WDR43: variants seen among roughly 807,000 people sequenced by gnomAD.
WDR43 encodes the protein WD repeat-containing protein 43.
A neutral mutation model predicts 91.4 loss-of-function variants in WDR43; 13 were observed. The ratio of observed to expected loss-of-function variants is 0.14; its 90% CI spans 0.09 to 0.23. The LOEUF (loss-of-function observed/expected upper bound fraction) is 0.23, where lower values mean the gene tolerates loss of function less well. WDR43 is among the 10% of genes least tolerant of loss of function. The probability of loss-of-function intolerance (pLI) is 1.00; values close to 1 mark genes in which losing one functional copy is unlikely to be tolerated. For synonymous variants in WDR43, 331 were observed against 287.9 expected (o/e 1.15, Z -1.51); for missense variants, 780 against 809.4 (o/e 0.96, Z 0.44).
intron 13 of WDR43, among the ~76,000 whole-genome samples, chr2:28,937,231 A>G (rs1387427271): frequency 1.3e-5 from 2 of 152,182 alleles, no homozygotes; most frequent in Non-Finnish European, 2.9e-5. Context: ...TGCTGCTTAT[A>G]GTACCTGCCG....
intron 3 of WDR43, 39 bp from the exon 4 acceptor site, chr2:28,912,551 T>C: frequency 6.3e-7 from 1 of 1,593,820 alleles, no homozygotes; most frequent in Non-Finnish European, 8.5e-7. Context: ...AAGTTTTCTC[T>C]CATGTATTGA....
At chr2:28,911,275 C>G (rs1316353033) in intron 3 of WDR43, among the ~76,000 whole-genome samples, 1 of 151,080 alleles carries the variant, frequency 6.6e-6, no homozygotes, top group South Asian at 2.1e-4. Flanking sequence ...CAGAACCATA[C>G]GTTTTCTTCC....
rs1031879123 is a variant in WDR43, at chr2:28,894,854, C to T, written c.156C>T (p.Tyr52=). 8.7e-6 allele frequency: 14 copies of T among 1,610,492 alleles called. No homozygotes were observed. Among genetic ancestry groups the T allele is most frequent in the Non-Finnish European group, 1.1e-5 (13 of 1,178,666 alleles). Residue 52 remains tyrosine (Y), a synonymous_variant, in exon 1 of 18, where the codon TAC becomes TAT. Coordinates refer to ENST00000407426, the MANE Select transcript of WDR43 (RefSeq NM_015131.3). ...ETANNRLHQE[Y]VPSAHLSGTC... ...CCAACAACCGGCTGCACCAGGAGTA[C>T]GTGCCTTCCGCGCACCTCAGTGGTA...
At chr2:28,939,871 G>T (rs562610659) in intron 14 of WDR43, among the ~76,000 whole-genome samples, 4 of 152,142 alleles carry the variant, frequency 2.6e-5, no homozygotes, top group Non-Finnish European at 5.9e-5. Flanking sequence ...ACTTTGGGAG[G>T]CTGAGGCGGG....
intron 15 of WDR43, 79 bp downstream of exon 15, chr2:28,941,653 CAG>C (rs1671439270): frequency 3.6e-6 from 4 of 1,113,580 alleles, no homozygotes; most frequent in Admixed American, 2.0e-5. Context: ...CATTTTGAGA[CAG>C]GGTCTTGCTC....
At chr2:28,919,260 A>G (rs1670975763) in intron 6 of WDR43, among the ~76,000 whole-genome samples, 1 of 152,128 alleles carries the variant, frequency 6.6e-6, no homozygotes, top group Admixed American at 6.5e-5. Context: ...CGTCTCAGTA[A>G]ATAAGTAAAT....
chr2:28,938,160 G>A (rs1450533992), intron 14 of WDR43, among the ~76,000 whole-genome samples, 166 bp downstream of exon 14: 2 of 152,136 alleles, frequency 1.3e-5, no homozygotes, highest in Admixed American at 1.3e-4. Flanking sequence ...AATGACATGA[G>A]CCCTTTCATG....
At position 28,929,561 on chromosome 2, in the gene WDR43, A is replaced by G. The variant is rs767015360; in HGVS notation, c.1306-18A>G. ...AGTCTTGTCTGGTAACACATTAACA[A>G]TCCTTTCTGTTCTGTAGGTTAGCAT... On this transcript the variant is annotated intron_variant, in intron 10 of 17. Coordinates refer to ENST00000407426, the MANE Select transcript of WDR43 (RefSeq NM_015131.3). 3 of 1,570,284 alleles carry G rather than the reference A, an allele frequency of 1.9e-6. No homozygotes were observed. Among genetic ancestry groups the G allele is most frequent in the African/African-American group, 1.4e-5 (1 of 73,362 alleles).
Position 28,902,061 on chromosome 2 carries a change from C to T in WDR43, c.300C>T (p.Gly100=), listed in dbSNP as rs1325194328. ...MSNQTDLLAL[G]TAVGSILLYS... is the part of the protein sequence containing the mutation. ...ACCAGACTGACTTATTGGCTCTTGGCACAGCAGTTGGTAGCATTTTATTAT... is the reference window on the plus strand; with the variant it reads ...ACCAGACTGACTTATTGGCTCTTGGTACAGCAGTTGGTAGCATTTTATTAT... The change falls in exon 2 of 18, where the codon GGC becomes GGT. Residue 100 remains glycine, a synonymous_variant. Coordinates refer to ENST00000407426, the MANE Select transcript of WDR43 (RefSeq NM_015131.3). 6.2e-7 allele frequency: 1 copy of T among 1,610,340 alleles called. No homozygotes were observed. Among genetic ancestry groups the T allele is most frequent in the Non-Finnish European group, 8.5e-7 (1 of 1,178,690 alleles).
intron 14 of WDR43, among the ~76,000 whole-genome samples, chr2:28,941,109 T>A (rs1324778081): frequency 2.0e-5 from 3 of 152,212 alleles, no homozygotes; most frequent in Non-Finnish European, 4.4e-5. Context: ...CTCTTTAGCC[T>A]GGAGATACGT....
intron 4 of WDR43, 190 bp from the exon 5 acceptor site, chr2:28,913,879 A>AT (rs946121838): frequency 2.7e-4 from 202 of 752,226 alleles, no homozygotes; most frequent in Non-Finnish European, 4.3e-4. Flanking sequence ...TTTCAGATGG[A>AT]TTTTTTTAAA....
chr2:28,935,826 C>G (rs1671328475), intron 12 of WDR43: 1 of 330,198 alleles, frequency 3.0e-6, no homozygotes, highest in African/African-American at 2.2e-5. Context: ...TACCTTTATT[C>G]TGCTAATGGC....
At chr2:28,898,140 T>G (rs1670514820) in intron 1 of WDR43, among the ~76,000 whole-genome samples, 2 of 152,260 alleles carry the variant, frequency 1.3e-5, no homozygotes, top group South Asian at 4.1e-4. Context: ...TTCCGACTTT[T>G]CTGCTTTTCC....
chr2:28,912,752 T>G (rs1443121852), intron 4 of WDR43, 42 bp downstream of exon 4: 2 of 1,601,096 alleles, frequency 1.2e-6, no homozygotes, highest in Non-Finnish European at 1.7e-6. Context: ...AATTATAGAG[T>G]AAACACAGAG....
intron 12 of WDR43, among the ~76,000 whole-genome samples, chr2:28,936,412 T>G (rs1003548974): frequency 3.3e-5 from 5 of 152,138 alleles, no homozygotes; most frequent in African/African-American, 1.2e-4. Flanking sequence ...ACTCTGTACT[T>G]AAAAAAGCAG....
intron 11 of WDR43, among the ~76,000 whole-genome samples, chr2:28,933,575 G>A (rs1038781235): frequency 6.6e-6 from 1 of 152,174 alleles, no homozygotes; most frequent in Non-Finnish European, 1.5e-5. Context: ...GAAAAACAGT[G>A]TTAGGAGTAT....
Position 28,894,862 on chromosome 2 carries a change from C to T in WDR43, c.164C>T (p.Ser55Phe), listed in dbSNP as rs1206991426. ...CGGCTGCACCAGGAGTACGTGCCTT[C>T]CGCGCACCTCAGTGGTACCTGCACC... ...NNRLHQEYVPSAHLSGTCTCL... is the reference protein window; with the variant it reads ...NNRLHQEYVPFAHLSGTCTCL... Residue 55 changes from serine to phenylalanine, a missense_variant, in exon 1 of 18, where the codon TCC becomes TTC. Physicochemically the swap from Ser to Phe is radical, Grantham distance 155. Around this residue, in one of 4 missense-constraint regions of WDR43, gnomAD observed 175 missense variants for 113.8 expected, o/e 1.54. Transcript: ENST00000407426. 1.2e-6 allele frequency: 2 copies of T among 1,610,198 alleles called. No homozygotes were observed. The highest frequency in any genetic ancestry group is 2.2e-5 in the East Asian group (1 of 44,732).
rs148758318 is a variant in WDR43, at chr2:28,932,842, A to T, written c.1438-2679A>T. ...ATGTAATTCATGGCATCCATAGGGG[A>T]TATTTTTAAATATTTTAAAAAGCAT... On this transcript the variant is annotated intron_variant, in intron 11 of 17. Coordinates refer to ENST00000407426, the MANE Select transcript of WDR43 (RefSeq NM_015131.3). Among the ~76,000 whole-genome samples, 202 of 152,322 alleles carry T rather than the reference A, an allele frequency of 1.3e-3. 1 individual carries two copies. Among genetic ancestry groups the T allele is most frequent in the Non-Finnish European group, 2.4e-3 (160 of 68,026 alleles).
intron 16 of WDR43, among the ~76,000 whole-genome samples, chr2:28,943,388 A>G (rs558251710): frequency 1.3e-5 from 2 of 152,272 alleles, no homozygotes; most frequent in South Asian, 4.1e-4. Flanking sequence ...TTCTCGCGTC[A>G]GCTTCCCAAA....
Sources: gnomAD v4.1 joint callset for allele counts (sites outside exome capture counted in the v4.1 genomes callset) on GRCh38, gnomAD v4.1.1 for gene constraint, gnomAD v4.1.1 regional missense constraint, MANE v1.5 for transcripts, NCBI Gene and HGNC (gene_info 2026-07-23, HGNC 2026-07-21) for gene names.